Variants in CD44 observed in about 807,000 individuals in gnomAD.
The protein encoded by CD44 is CD44 molecule (IN blood group).
In CD44, 49 loss-of-function variants were observed where a neutral mutation model predicts 88.8. That is an observed-to-expected ratio of 0.55 (90% CI 0.44 to 0.70). The LOEUF (loss-of-function observed/expected upper bound fraction) is 0.70. Ranked by LOEUF, CD44 falls within the 30% of genes least tolerant of loss-of-function variation. The pLI, the probability that CD44 is intolerant of heterozygous loss-of-function variation, is 0.00. For missense variants in CD44, 883 were observed against 913.8 expected (o/e 0.97, Z 0.43); for synonymous variants, 325 against 312.3 (o/e 1.04, Z -0.43).
In CD44 at chr11:35,189,986, C is replaced by T. The variant is rs139579656; in HGVS notation, c.588C>T (p.Tyr196=). The part of the protein sequence containing the change: ...RSSTSGGYIF[Y]TFSTVHPIPD... ...GCACTTCAGGAGGTTACATCTTTTACACCTTTTCTACTGTACACCCCATCC... is the reference window on the plus strand; with the variant it reads ...GCACTTCAGGAGGTTACATCTTTTATACCTTTTCTACTGTACACCCCATCC... The change falls in exon 5 of 18, where the codon TAC becomes TAT. Residue 196 remains tyrosine (Y), a synonymous_variant. Coordinates refer to ENST00000428726, the MANE Select transcript of CD44 (RefSeq NM_000610.4). 22 of 1,614,070 alleles carry T rather than the reference C, an allele frequency of 1.4e-5. No homozygotes were observed. In the African/African-American group the frequency reaches 2.0e-4, roughly 15 times the overall value.
chr11:35,155,649 A>G (rs1941766177), intron 1 of CD44, among the ~76,000 whole-genome samples: 1 of 152,208 alleles, frequency 6.6e-6, no homozygotes, highest in African/African-American at 2.4e-5. Context: ...AGTCTTCTGC[A>G]CACTTGAGTA....
chr11:35,166,432 C>T (rs1244167791), intron 1 of CD44, among the ~76,000 whole-genome samples: 1 of 152,224 alleles, frequency 6.6e-6, no homozygotes, highest in East Asian at 1.9e-4. Flanking sequence ...TCCAAGTCCC[C>T]ATCATCCCAT....
At chr11:35,150,623 A>C (rs1246053474) in intron 1 of CD44, among the ~76,000 whole-genome samples, 1 of 152,202 alleles carries the variant, frequency 6.6e-6, no homozygotes, top group Non-Finnish European at 1.5e-5. Context: ...CCCATCTGGA[A>C]TCCACTGACC....
intron 15 of CD44, among the ~76,000 whole-genome samples, chr11:35,217,356 GA>G (rs59976536): frequency 0.11 from 13,164 of 122,348 alleles, 684 homozygotes; most frequent in Admixed American, 0.18. Context: ...AGTCAGAAAA[GA>G]AAAAAAAAAA....
Position 35,229,570 on chromosome 11 carries a change from G to A in CD44, c.*237G>A, listed in dbSNP as rs923048446. 21 of 505,680 alleles carry A rather than the reference G, an allele frequency of 4.2e-5. No homozygotes were observed. The highest frequency in any genetic ancestry group is 5.7e-5 in the Non-Finnish European group (16 of 282,544). The allele number at this position is 505,680 out of a possible 1,614,324, so 31.3% of individuals were successfully genotyped here. ...ATTAATAATCAGCAAGAATTTGATC[G>A]TTCCAGTTCCCACTTGGAGGCCTTT... On this transcript the variant is annotated 3_prime_UTR_variant, in exon 18 of 18. Coordinates refer to ENST00000428726, the MANE Select transcript of CD44 (RefSeq NM_000610.4).
intron 12 of CD44, among the ~76,000 whole-genome samples, 186 bp downstream of exon 12, chr11:35,208,392 A>T (rs1043421312): frequency 6.6e-6 from 1 of 152,056 alleles, no homozygotes; most frequent in Non-Finnish European, 1.5e-5. Flanking sequence ...TTTTCCCTTC[A>T]TTTCTTTGTG....
intron 11 of CD44, among the ~76,000 whole-genome samples, chr11:35,206,838 C>A (rs1417043090): frequency 3.3e-5 from 5 of 152,178 alleles, no homozygotes; most frequent in Non-Finnish European, 5.9e-5. Flanking sequence ...CACAGGCAGA[C>A]CCAGCACACA....
intron 5 of CD44, 96 bp from the exon 6 acceptor site, chr11:35,196,650 C>T: frequency 1.5e-6 from 2 of 1,298,102 alleles, no homozygotes; most frequent in South Asian, 1.4e-5. Flanking sequence ...ATAGATGATT[C>T]TCTTGAGTAG....
At chr11:35,185,823 A>G (rs773131435) in intron 3 of CD44, among the ~76,000 whole-genome samples, 2 of 152,232 alleles carry the variant, frequency 1.3e-5, no homozygotes, top group Non-Finnish European at 2.9e-5. Flanking sequence ...AGAATAAAGC[A>G]CTTTGGCATG....
At chr11:35,164,676 A>G (rs1376437261) in intron 1 of CD44, among the ~76,000 whole-genome samples, 1 of 152,248 alleles carries the variant, frequency 6.6e-6, no homozygotes, top group Non-Finnish European at 1.5e-5. Context: ...GTAGGATTGG[A>G]AACTCAAACT....
chr11:35,187,848 TTATCCACAGA>T (rs2133857675), intron 4 of CD44, among the ~76,000 whole-genome samples: 1 of 152,342 alleles, frequency 6.6e-6, no homozygotes, highest in South Asian at 2.1e-4. Flanking sequence ...TGATATATGA[TTATCCACAGA>T]TGTATATATT....
At chr11:35,226,613 T>G (rs1302441315) in intron 17 of CD44, among the ~76,000 whole-genome samples, 3 of 152,172 alleles carry the variant, frequency 2.0e-5, no homozygotes, top group Non-Finnish European at 4.4e-5. Flanking sequence ...AACCCAAACC[T>G]TAGTTTCCTT....
At chr11:35,226,482 C>T (rs1011874507) in intron 17 of CD44, among the ~76,000 whole-genome samples, 5 of 152,104 alleles carry the variant, frequency 3.3e-5, no homozygotes, top group Non-Finnish European at 4.4e-5. Context: ...TAAATAATAA[C>T]GAGGTAGGTG....
Position 35,206,134 on chromosome 11 carries a change from T to C in CD44, c.1305T>C (p.His435=). Residue 435 remains histidine (H), a synonymous_variant, in exon 11 of 18, where the codon CAT becomes CAC. Transcript: ENST00000428726. ...GTAAASAHTS[H]PMQGRTTPSP... ...CAGCAGCCTCAGCTCATACCAGCCA[T>C]CCAATGCAAGGAAGGACAACACCAA... is the stretch of plus-strand genomic sequence containing the variant. The C allele has an allele frequency of 6.8e-6, 11 of 1,610,580 alleles. No individual in the cohort carries two copies. The highest frequency in any genetic ancestry group is 9.3e-6 in the Non-Finnish European group (11 of 1,178,438).
intron 1 of CD44, among the ~76,000 whole-genome samples, chr11:35,144,098 G>A (rs575196936): frequency 6.8e-4 from 104 of 152,348 alleles, no homozygotes; most frequent in African/African-American, 2.5e-3. Context: ...GGCCACCCAA[G>A]TGAGGTTTCG....
intron 15 of CD44, 184 bp downstream of exon 15, chr11:35,215,098 G>A: frequency 2.4e-6 from 1 of 408,904 alleles, no homozygotes; most frequent in Non-Finnish European, 4.3e-6. Context: ...TCCTGATTCA[G>A]TAGGTCTGGG....
At chr11:35,180,505 T>C in intron 3 of CD44, 98 bp downstream of exon 3, 1 of 1,294,894 alleles carries the variant, frequency 7.7e-7, no homozygotes, top group Non-Finnish European at 1.1e-6. Context: ...TCCATTTACA[T>C]AACAAATGCT....
chr11:35,176,045 T>G (rs1398812466), intron 1 of CD44, among the ~76,000 whole-genome samples: 1 of 88,890 alleles, frequency 1.1e-5, no homozygotes, highest in South Asian at 3.1e-4. Flanking sequence ...TTGTATTTTT[T>G]TTTTTTTTTT....
At position 35,180,647 on chromosome 11, in the gene CD44, G is replaced by C. The variant is rs4756197; in HGVS notation, c.367+240G>C. ...CTGTCCAATCTTTTGGCTTCCCTAG[G>C]TCACATTGGGAGAAGAATTGTCTTG... On this transcript the variant is annotated intron_variant, in intron 3 of 17. Transcript: ENST00000428726. Among the ~76,000 whole-genome samples, 592 of 152,254 alleles carry C rather than the reference G, an allele frequency of 3.9e-3. 19 individuals carry two copies. The highest frequency in any genetic ancestry group is 0.028 in the Admixed American group (424 of 15,298).
Sources: gnomAD v4.1 joint callset for allele counts (sites outside exome capture counted in the v4.1 genomes callset) on GRCh38, gnomAD v4.1.1 for gene constraint, MANE v1.5 for transcripts, NCBI Gene and HGNC (gene_info 2026-07-23, HGNC 2026-07-21) for gene names.